Variants in USP7 observed in about 807,000 individuals in gnomAD.
The protein encoded by USP7 is ubiquitin C-terminal hydrolase 7.
Under a neutral mutation model 162.9 loss-of-function variants are expected in USP7, and 9 were observed. The ratio of observed to expected loss-of-function variants is 0.06; its 90% CI spans 0.03 to 0.10. The LOEUF (loss-of-function observed/expected upper bound fraction) is 0.10. Ranked by LOEUF, USP7 falls within the 10% of genes least tolerant of loss-of-function variation. The pLI, the probability that USP7 is intolerant of heterozygous loss-of-function variation, is 1.00. For synonymous variants in USP7, 562 were observed against 475.9 expected (o/e 1.18, Z -2.35); for missense variants, 715 against 1,373.7 (o/e 0.52, Z 7.58).
At chr16:8,899,515 A>G (rs2061741765) in intron 22 of USP7, 89 bp downstream of exon 22, 12 of 1,531,014 alleles carry the variant, frequency 7.8e-6, no homozygotes, top group Non-Finnish European at 1.1e-5. Flanking sequence ...AACCAAAACC[A>G]TGAGATAGCT....
rs996093065 is a variant in USP7, at chr16:8,963,280, G to A, written c.6C>T (p.Asn2=). Residue 2 remains asparagine (N), a synonymous_variant, in exon 1 of 31, where the codon AAC becomes AAT. Coordinates refer to ENST00000344836, the MANE Select transcript of USP7 (RefSeq NM_003470.3). M[N]HQQQQQQQKA... is the part of the protein sequence containing the mutation. ...TCTGCTGCTGCTGCTGCTGCTGGTG[G>A]TTCATGTCGGCCGCGGCCTGGGCCT... The A allele has an allele frequency of 7.6e-7, 1 of 1,322,312 alleles. No individual in the cohort carries two copies. Among genetic ancestry groups the A allele is most frequent in the Non-Finnish European group, 9.8e-7 (1 of 1,019,608 alleles). The allele number at this position is 1,322,312 out of a possible 1,614,324, so 81.9% of individuals were successfully genotyped here.
At position 8,899,526 on chromosome 16, in the gene USP7, T is replaced by G. The variant is rs1344268804; in HGVS notation, c.2463+78A>C. The G allele has an allele frequency of 2.6e-6, 4 of 1,562,358 alleles. No homozygotes were observed. In the African/African-American group the frequency reaches 5.5e-5, roughly 21 times the overall value. The stretch of plus-strand genomic sequence containing the variant: ...TCTGAACCAAAACCATGAGATAGCT[T>G]CTTCAACAAGCATTTTAAGAAAGAA... On this transcript the variant is annotated intron_variant, in intron 22 of 30. Coordinates refer to ENST00000344836, the MANE Select transcript of USP7 (RefSeq NM_003470.3).
intron 1 of USP7, among the ~76,000 whole-genome samples, chr16:8,956,068 C>T (rs1255601228): frequency 6.6e-6 from 1 of 152,186 alleles, no homozygotes; most frequent in Non-Finnish European, 1.5e-5. Flanking sequence ...AACCAGATGC[C>T]AGTTTAACAA....
chr16:8,951,694 G>GA (rs780789987), intron 1 of USP7, among the ~76,000 whole-genome samples: 20 of 152,334 alleles, frequency 1.3e-4, no homozygotes, highest in Non-Finnish European at 2.6e-4. Flanking sequence ...TGCACCCTGA[G>GA]CCCTCGCAGA....
intron 1 of USP7, among the ~76,000 whole-genome samples, chr16:8,957,353 G>T (rs1899850848): frequency 6.6e-6 from 1 of 152,154 alleles, no homozygotes; most frequent in African/African-American, 2.4e-5. Flanking sequence ...ATGGTACATG[G>T]CAAGAAATAT....
intron 4 of USP7, among the ~76,000 whole-genome samples, 163 bp downstream of exon 4, chr16:8,920,993 CG>C (rs551392440): frequency 1.5e-4 from 23 of 152,148 alleles, no homozygotes; most frequent in Non-Finnish European, 3.1e-4. Flanking sequence ...CTGCTAAAAA[CG>C]TAAGATACGA....
In USP7 at chr16:8,922,149, T is replaced by A. The variant is rs1329528164; in HGVS notation, c.384-854A>T. Among the ~76,000 whole-genome samples the A allele has an allele frequency of 2.0e-5, 3 of 152,226 alleles. No individual in the cohort carries two copies. In the East Asian group the frequency reaches 5.8e-4, roughly 29 times the overall value. On this transcript the variant is annotated intron_variant, in intron 3 of 30. Transcript: ENST00000344836. ...GAACAGAAGAGGACAACTTTAACCA[T>A]CCACAGGCCCTGGCTGCATCATAAA...
intron 1 of USP7, among the ~76,000 whole-genome samples, chr16:8,956,934 C>T (rs1409363747): frequency 1.3e-5 from 2 of 152,242 alleles, no homozygotes; most frequent in Middle Eastern, 3.4e-3. Context: ...GACAAGTCGA[C>T]GCTATCTCTC....
intron 8 of USP7, among the ~76,000 whole-genome samples, 192 bp from the exon 9 acceptor site, chr16:8,915,717 C>A (rs1897336294): frequency 6.6e-6 from 1 of 152,172 alleles, no homozygotes; most frequent in Non-Finnish European, 1.5e-5. Flanking sequence ...TCTCTACATG[C>A]AACAGTTGAG....
intron 18 of USP7, chr16:8,901,812 C>G (rs1243987200): frequency 2.2e-6 from 1 of 450,484 alleles, no homozygotes; most frequent in Non-Finnish European, 4.0e-6. Context: ...TCTTTAGGAT[C>G]TGACCAACGT....
chr16:8,898,689 A>C, intron 23 of USP7, 50 bp from the exon 24 acceptor site: 1 of 1,440,276 alleles, frequency 6.9e-7, no homozygotes, highest in Middle Eastern at 1.8e-4. Flanking sequence ...TTTGCCTAAA[A>C]ACAAATATCT....
Position 8,920,330 on chromosome 16 carries a change from T to C in USP7, c.611+29A>G, listed in dbSNP as rs769074623. Reference sequence around the variant, plus strand: ...TTCACTGCAGCACAAAAGACATTTTTAACAGCACCTGATTAAAGAAAAACT... The same window carrying C: ...TTCACTGCAGCACAAAAGACATTTTCAACAGCACCTGATTAAAGAAAAACT... On this transcript the variant is annotated intron_variant, in intron 5 of 30. Coordinates refer to ENST00000344836, the MANE Select transcript of USP7 (RefSeq NM_003470.3). The C allele has an allele frequency of 1.9e-6, 3 of 1,584,002 alleles. No individual in the cohort carries two copies. In the African/African-American group the frequency reaches 4.1e-5, roughly 22 times the overall value.
At chr16:8,957,273 TTTC>T (rs1182126963) in intron 1 of USP7, among the ~76,000 whole-genome samples, 14 of 152,210 alleles carry the variant, frequency 9.2e-5, no homozygotes, top group Non-Finnish European at 1.6e-4. Context: ...TTCCTCCAAC[TTTC>T]TTAAGTCCAA....
At chr16:8,962,655 A>C in intron 1 of USP7, 1 of 219,464 alleles carries the variant, frequency 4.6e-6, no homozygotes. Flanking sequence ...GCCAGTCCAA[A>C]ACCTGACAAC....
In USP7 at chr16:8,902,131, A is replaced by T. The variant is rs746759407; in HGVS notation, c.1998T>A (p.Asp666Glu). 6.2e-7 allele frequency: 1 copy of T among 1,614,260 alleles called. No homozygotes were observed. Among genetic ancestry groups the T allele is most frequent in the Non-Finnish European group, 8.5e-7 (1 of 1,180,054 alleles). ...NPWTIFLETV[D>E]PELAASGATL... is the part of the protein sequence containing the mutation. ...TCGCTCCACTAGCAGCCAGCTCGGGATCAACTGTTTCCAGGAATATTGTCC... is the reference window on the plus strand; with the variant it reads ...TCGCTCCACTAGCAGCCAGCTCGGGTTCAACTGTTTCCAGGAATATTGTCC... The change falls in exon 18 of 31, where the codon GAT becomes GAA. Residue 666 changes from aspartate (D) to glutamate (E), a missense_variant. Transcript: ENST00000344836.
intron 2 of USP7, among the ~76,000 whole-genome samples, chr16:8,923,872 A>T (rs1360749981): frequency 6.6e-6 from 1 of 152,202 alleles, no homozygotes; most frequent in East Asian, 1.9e-4. Context: ...AGCCAGGGAA[A>T]CAGCCATTCC....
chr16:8,908,424 T>A lies in USP7; in HGVS notation c.1188A>T (p.Leu396=). Reference sequence around the variant, plus strand: ...GTAGATGTAACACTGGTGGCAATGTTAGGAATTTCACACCTTTCTCTGCTT... The same window carrying A: ...GTAGATGTAACACTGGTGGCAATGTAAGGAATTTCACACCTTTCTCTGCTT... ...LQEAEKGVKF[L]TLPPVLHLQL... is the part of the protein sequence containing the mutation. The change falls in exon 12 of 31, where the codon CTA becomes CTT. Residue 396 remains leucine (L), a synonymous_variant. Coordinates refer to ENST00000344836, the MANE Select transcript of USP7 (RefSeq NM_003470.3). The A allele has an allele frequency of 6.2e-7, 1 of 1,612,812 alleles. No individual in the cohort carries two copies. Among genetic ancestry groups the A allele is most frequent in the Non-Finnish European group, 8.5e-7 (1 of 1,179,600 alleles).
At chr16:8,897,272 G>C in intron 25 of USP7, 173 bp from the exon 26 acceptor site, 1 of 605,302 alleles carries the variant, frequency 1.7e-6, no homozygotes, top group Non-Finnish European at 2.9e-6. Flanking sequence ...CTCACAGTGA[G>C]GACACTGGCC....
At chr16:8,924,992 A>G (rs1333596847) in intron 2 of USP7, among the ~76,000 whole-genome samples, 1 of 152,230 alleles carries the variant, frequency 6.6e-6, no homozygotes, top group East Asian at 1.9e-4. Context: ...ATAGAAGTCT[A>G]CTAAAAGGCA....
Sources: allele counts gnomAD v4.1 joint callset (sites outside exome capture counted in the v4.1 genomes callset), GRCh38; gene constraint gnomAD v4.1.1; transcripts MANE v1.5; gene names NCBI Gene and HGNC (gene_info 2026-07-23, HGNC 2026-07-21).